Variants in ZNF674 observed in about 807,000 individuals in gnomAD.
ZNF674 encodes zinc finger family member 674.
In ZNF674, 2 loss-of-function variants were observed where a neutral mutation model predicts 7.0. The ratio of observed to expected loss-of-function variants is 0.29; its 90% CI spans 0.12 to 0.90. The LOEUF (loss-of-function observed/expected upper bound fraction) is 0.90, where lower values mean the gene tolerates loss of function less well. ZNF674 is among the 40% of genes least tolerant of loss of function. The pLI is 0.57. For synonymous variants in ZNF674, 103 were observed against 145.2 expected (o/e 0.71, Z 2.09); for missense variants, 297 against 415.5 (o/e 0.71, Z 2.48).
At chrX:46,538,692 G>A (rs1649251750) in intron 3 of ZNF674, among the ~76,000 whole-genome samples, 1 of 111,647 alleles carries the variant, frequency 9.0e-6, no homozygotes, top group Non-Finnish European at 1.9e-5. Flanking sequence ...AGGCATTGGA[G>A]AACAACCTGG....
At chrX:46,514,357 T>C (rs1463289108) in intron 5 of ZNF674, among the ~76,000 whole-genome samples, 2 of 109,663 alleles carry the variant, frequency 1.8e-5, no homozygotes, top group Non-Finnish European at 1.9e-5. Context: ...AGAGAAGAGG[T>C]TGCGTGGGGG....
intron 5 of ZNF674, among the ~76,000 whole-genome samples, chrX:46,522,500 A>G (rs1941932161): frequency 9.0e-6 from 1 of 110,999 alleles, no homozygotes; most frequent in Non-Finnish European, 1.9e-5. Context: ...CCCCATCTCT[A>G]TATGAAAAAC....
At chrX:46,532,053 T>C (rs1300252859) in intron 3 of ZNF674, among the ~76,000 whole-genome samples, 2 of 110,554 alleles carry the variant, frequency 1.8e-5, no homozygotes, top group Non-Finnish European at 3.8e-5. Context: ...TAATCCCAGC[T>C]ACTCAGGCGG....
rs189055395 is a variant in ZNF674, at chrX:46,516,962, C to G, written c.238+11388G>C. Among the ~76,000 whole-genome samples the G allele has an allele frequency of 5.5e-5, 6 of 109,094 alleles. No individual in the cohort carries two copies. The East Asian group carries it at 1.7e-3, about 31-fold the overall frequency. The allele number at this position is 109,094 out of a possible 115,157, so 94.7% of individuals were successfully genotyped here. ...CAGATTGCAGTGAGCTGAGATTGTG[C>G]CACTGCACTCCAGCCTGGGCAACAG... On this transcript the variant is annotated intron_variant, in intron 5 of 5. Transcript: ENST00000683375.
chrX:46,510,688 G>A (rs1297841741), intron 5 of ZNF674, among the ~76,000 whole-genome samples: 4 of 112,170 alleles, frequency 3.6e-5, no homozygotes, highest in Non-Finnish European at 1.9e-5. Context: ...ATACTTGGGA[G>A]GCTGAGGCAG....
Position 46,542,115 on chromosome X carries a change from A to G in ZNF674, c.-28T>C. On this transcript the variant is annotated splice_region_variant and 5_prime_UTR_variant, in exon 3 of 6. Coordinates refer to ENST00000683375, the MANE Select transcript of ZNF674 (RefSeq NM_001190417.2). The stretch of plus-strand genomic sequence containing the variant: ...TGTTGTGCTCCTGCAAAGGATGGAG[A>G]TCTACAAATACAGAATTAGAAGGGT... The G allele has an allele frequency of 1.7e-6, 2 of 1,171,782 alleles. No individual in the cohort carries two copies. The highest frequency in any genetic ancestry group is 3.7e-5 in the South Asian group (2 of 54,375).
chrX:46,540,925 G>A (rs1299520008), intron 3 of ZNF674, among the ~76,000 whole-genome samples: 1 of 108,535 alleles, frequency 9.2e-6, no homozygotes, highest in Non-Finnish European at 1.9e-5. Context: ...TTAGCCGGGT[G>A]TGGTGGCACG....
chrX:46,511,953 G>A (rs941035057), intron 5 of ZNF674, among the ~76,000 whole-genome samples: 2 of 110,212 alleles, frequency 1.8e-5, no homozygotes, highest in African/African-American at 3.3e-5. Flanking sequence ...AACCCAAGAG[G>A]TGGAGGCTGC....
chrX:46,506,454 C>T (rs377455439), intron 5 of ZNF674, among the ~76,000 whole-genome samples: 38 of 109,622 alleles, frequency 3.5e-4, no homozygotes, highest in African/African-American at 1.2e-3. Context: ...GGATTTATTT[C>T]CTATCAGGCA....
At position 46,501,295 on chromosome X, in the gene ZNF674, T is replaced by C. The variant is rs957321688; in HGVS notation, c.279A>G (p.Glu93=). The C allele has an allele frequency of 2.5e-6, 3 of 1,208,738 alleles. No individual in the cohort carries two copies. Among genetic ancestry groups the C allele is most frequent in the African/African-American group, 1.8e-5 (1 of 57,097 alleles). ...CTTGCCACAGAAATTTGTCTTGGCT[T>C]TCCTTGTAGTGATCTATCTGCTCGT... ...EVDEQIDHYK[E]SQDKFLWQAA... Residue 93 remains glutamate (E), a synonymous_variant, in exon 6 of 6, where the codon GAA becomes GAG. Transcript: ENST00000683375.
chrX:46,500,911 A>G lies in ZNF674; in HGVS notation c.663T>C (p.Cys221=), dbSNP rs747789365. The G allele has an allele frequency of 7.6e-6, 9 of 1,187,651 alleles. No homozygotes were observed. In the African/African-American group the frequency reaches 1.1e-4, roughly 14 times the overall value. The change falls in exon 6 of 6, where the codon TGT becomes TGC. Residue 221 remains cysteine (C), a synonymous_variant. Transcript: ENST00000683375. The part of the protein sequence containing the change: ...RSQTGEKLYK[C]TECGKVFIQK... ...GGATAAACACTTTTCCACATTCAGT[A>G]CATTTGTAGAGTTTCTCCCCAGTTT...
intron 4 of ZNF674, 33 bp from the exon 5 acceptor site, chrX:46,528,478 T>C: frequency 8.4e-7 from 1 of 1,187,610 alleles, no homozygotes; most frequent in Non-Finnish European, 1.1e-6. Context: ...GACTTTGTTA[T>C]TAATGCTGAG....
At chrX:46,508,572 G>A (rs1000922825) in intron 5 of ZNF674, among the ~76,000 whole-genome samples, 6 of 110,715 alleles carry the variant, frequency 5.4e-5, no homozygotes, top group Admixed American at 9.7e-5. Context: ...CCATTTTCAC[G>A]ATATTGATTC....
chrX:46,541,176 AC>A (rs1942289158), intron 3 of ZNF674, among the ~76,000 whole-genome samples: 1 of 109,750 alleles, frequency 9.1e-6, no homozygotes, highest in Non-Finnish European at 1.9e-5. Flanking sequence ...AGCCTGACCA[AC>A]ATGGAGAAAC....
intron 5 of ZNF674, among the ~76,000 whole-genome samples, chrX:46,518,813 A>G (rs912496559): frequency 5.1e-4 from 53 of 103,476 alleles, no homozygotes; most frequent in African/African-American, 1.8e-3. Context: ...GTGAACCCGG[A>G]AGGCGGAGTT....
At chrX:46,523,291 AAAT>A (rs1202464161) in intron 5 of ZNF674, 1 of 115,519 alleles carries the variant, frequency 8.7e-6, no homozygotes, top group Non-Finnish European at 1.8e-5. Flanking sequence ...AAATATTAAA[AAAT>A]AATAAGGAAA....
chrX:46,529,192 T>G, intron 3 of ZNF674: 1 of 386,197 alleles, frequency 2.6e-6, no homozygotes, highest in Non-Finnish European at 4.5e-6. Flanking sequence ...TAACTGTTCT[T>G]ATGCCAGTCA....
intron 3 of ZNF674, among the ~76,000 whole-genome samples, chrX:46,541,242 T>C (rs1345183483): frequency 9.4e-6 from 1 of 106,337 alleles, no homozygotes; most frequent in African/African-American, 3.5e-5. Context: ...ATGCCTGTAA[T>C]CCCAGGTACT....
intron 3 of ZNF674, among the ~76,000 whole-genome samples, chrX:46,536,053 T>C (rs1238169896): frequency 8.9e-6 from 1 of 112,590 alleles, no homozygotes; most frequent in Non-Finnish European, 1.9e-5. Context: ...TTAAAGGTAT[T>C]TGTTTCTTAC....
Sources: gnomAD v4.1 joint callset for allele counts (sites outside exome capture counted in the v4.1 genomes callset) on GRCh38, gnomAD v4.1.1 for gene constraint, MANE v1.5 for transcripts, NCBI Gene and HGNC (gene_info 2026-07-23, HGNC 2026-07-21) for gene names.